Variants in GABRG3 observed in about 807,000 individuals in gnomAD.
GABRG3 encodes gamma-aminobutyric acid receptor subunit gamma-3.
Under a neutral mutation model 48.8 loss-of-function variants are expected in GABRG3, and 25 were observed. The ratio of observed to expected loss-of-function variants is 0.51; its 90% CI spans 0.37 to 0.72. GABRG3 has a LOEUF of 0.72. Among genes scored for constraint, GABRG3 ranks in the 30% least tolerant of loss-of-function variants. The pLI, the probability that GABRG3 is intolerant of heterozygous loss-of-function variation, is 0.00. For missense variants in GABRG3, 394 were observed against 577.9 expected (o/e 0.68, Z 3.26); for synonymous variants, 227 against 217.6 (o/e 1.04, Z -0.38).
chr15:27,006,263 G>A (rs1442214620), intron 2 of GABRG3, among the ~76,000 whole-genome samples: 2 of 151,808 alleles, frequency 1.3e-5, no homozygotes, highest in African/African-American at 2.4e-5. Context: ...GTGGAGTGGC[G>A]CTATCTAGGC....
intron 3 of GABRG3, among the ~76,000 whole-genome samples, chr15:27,251,407 C>T (rs920040463): frequency 1.2e-4 from 19 of 152,236 alleles, no homozygotes; most frequent in South Asian, 4.1e-4. Flanking sequence ...TGCTCAGAGA[C>T]GCAAAGGGAG....
At chr15:27,423,541 GTT>G (rs57806464) in intron 5 of GABRG3, among the ~76,000 whole-genome samples, 1 of 136,392 alleles carries the variant, frequency 7.3e-6, no homozygotes. Context: ...TTGTTTTTTG[GTT>G]TTTTTTTTTT....
chr15:27,398,659 A>AGT (rs1887388089), intron 5 of GABRG3, among the ~76,000 whole-genome samples: 2 of 150,238 alleles, frequency 1.3e-5, no homozygotes, highest in Admixed American at 6.6e-5. Context: ...GGAGATGACA[A>AGT]GCGCGCGCAC....
intron 3 of GABRG3, among the ~76,000 whole-genome samples, chr15:27,324,503 T>A (rs1893538888): frequency 6.6e-6 from 1 of 152,188 alleles, no homozygotes; most frequent in Non-Finnish European, 1.5e-5. Context: ...TCTGGGAATA[T>A]ATTCTTTTTC....
intron 3 of GABRG3, among the ~76,000 whole-genome samples, chr15:27,105,998 A>G (rs1183726807): frequency 6.6e-6 from 1 of 152,150 alleles, no homozygotes; most frequent in Non-Finnish European, 1.5e-5. Context: ...CCTGGAGGAT[A>G]TTATGCTAAG....
intron 3 of GABRG3, among the ~76,000 whole-genome samples, chr15:27,309,325 T>C (rs1279726494): frequency 6.6e-6 from 1 of 151,630 alleles, no homozygotes; most frequent in East Asian, 1.9e-4. Context: ...TGTGTTTGTA[T>C]ATATATATAT....
At chr15:27,087,751 TGTA>T (rs1897103133) in intron 3 of GABRG3, among the ~76,000 whole-genome samples, 1 of 152,046 alleles carries the variant, frequency 6.6e-6, no homozygotes, top group South Asian at 2.1e-4. Flanking sequence ...TCTGGTGTGC[TGTA>T]GTGTGTGGTG....
intron 3 of GABRG3, among the ~76,000 whole-genome samples, chr15:27,118,199 A>G (rs1897674820): frequency 1.3e-5 from 2 of 152,184 alleles, no homozygotes; most frequent in South Asian, 4.1e-4. Flanking sequence ...AATTCTCCAG[A>G]TGACTCTAAT....
chr15:27,154,263 T>C (rs1474127755), intron 3 of GABRG3, among the ~76,000 whole-genome samples: 2 of 152,198 alleles, frequency 1.3e-5, no homozygotes, highest in Non-Finnish European at 2.9e-5. Flanking sequence ...ATCTGTCTTT[T>C]AGTAGCCCTG....
At chr15:27,086,651 A>AT (rs1025110507) in intron 3 of GABRG3, among the ~76,000 whole-genome samples, 1 of 152,176 alleles carries the variant, frequency 6.6e-6, no homozygotes, top group Admixed American at 6.5e-5. Flanking sequence ...TTCCACAAGC[A>AT]TTTTTTCAAT....
chr15:27,380,708 G>C (rs1895739222), intron 5 of GABRG3, among the ~76,000 whole-genome samples: 1 of 149,068 alleles, frequency 6.7e-6, no homozygotes, highest in African/African-American at 2.5e-5. Context: ...ATATCCCCCT[G>C]TTGTTTTACA....
chr15:27,341,667 G>A (rs1395525795), intron 5 of GABRG3, among the ~76,000 whole-genome samples: 1 of 152,138 alleles, frequency 6.6e-6, no homozygotes, highest in Non-Finnish European at 1.5e-5. Context: ...AGAGCAGAAT[G>A]GCCAGCAAGT....
intron 6 of GABRG3, among the ~76,000 whole-genome samples, chr15:27,481,563 G>A (rs1890102212): frequency 6.6e-6 from 1 of 152,102 alleles, no homozygotes; most frequent in Non-Finnish European, 1.5e-5. Context: ...TGGGTGACTA[G>A]ATTAAGATGC....
At chr15:27,330,194 C>T (rs1417255604) in intron 5 of GABRG3, among the ~76,000 whole-genome samples, 2 of 152,054 alleles carry the variant, frequency 1.3e-5, no homozygotes, top group African/African-American at 2.4e-5. Context: ...GAGTTGAGAT[C>T]GCACCACTGC....
chr15:27,349,581 G>A (rs957944605), intron 5 of GABRG3, among the ~76,000 whole-genome samples: 2 of 152,124 alleles, frequency 1.3e-5, no homozygotes, highest in South Asian at 4.1e-4. Flanking sequence ...TGCTGGGGTC[G>A]ACCCTGTCTT....
rs1005309007 is a variant in GABRG3, at chr15:27,248,811, G to C, written c.271-77998G>C. On this transcript the variant is annotated intron_variant, in intron 3 of 9. Transcript: ENST00000615808. ...ACACACACACACACACACAGAGAGA[G>C]AGAGAGAGAGAGAGAGAGAGAGAGA... Among the ~76,000 whole-genome samples, 444 of 129,950 alleles carry C rather than the reference G, an allele frequency of 3.4e-3. 1 individual carries two copies. Among genetic ancestry groups the C allele is most frequent in the Middle Eastern group, 0.019 (5 of 266 alleles). The allele number at this position is 129,950 out of a possible 152,430, so 85.3% of individuals were successfully genotyped here.
intron 5 of GABRG3, among the ~76,000 whole-genome samples, chr15:27,387,880 AGGGG>A (rs1566817190): frequency 3.9e-5 from 1 of 25,764 alleles, no homozygotes; most frequent in Non-Finnish European, 7.6e-5. Context: ...GGAGGGAGGG[AGGGG>A]AAGGAGGGAA....
chr15:26,986,580 G>A (rs531518165), intron 2 of GABRG3, among the ~76,000 whole-genome samples: 1 of 152,280 alleles, frequency 6.6e-6, no homozygotes, highest in South Asian at 2.1e-4. Flanking sequence ...AGACAGTGCT[G>A]TGTTGGAGCC....
At chr15:27,458,396 A>G (rs1386501040) in intron 5 of GABRG3, among the ~76,000 whole-genome samples, 2 of 152,188 alleles carry the variant, frequency 1.3e-5, no homozygotes, top group Non-Finnish European at 2.9e-5. Context: ...TGTCTAGCCA[A>G]TTCTCACCCT....
Sources: allele counts gnomAD v4.1 joint callset (sites outside exome capture counted in the v4.1 genomes callset), GRCh38; gene constraint gnomAD v4.1.1; transcripts MANE v1.5; gene names NCBI Gene and HGNC (gene_info 2026-07-23, HGNC 2026-07-21).